The following FER variants were observed in gnomAD, a reference collection of about 807,000 sequenced individuals.
FER encodes FER tyrosine kinase.
A neutral mutation model predicts 111.0 loss-of-function variants in FER; 63 were observed. That is an observed-to-expected ratio of 0.57 (90% CI 0.46 to 0.70). The LOEUF (loss-of-function observed/expected upper bound fraction) is 0.70. Among genes scored for constraint, FER ranks in the 30% least tolerant of loss-of-function variants. FER has a pLI of 0.00. For missense variants in FER, 914 were observed against 954.0 expected (o/e 0.96, Z 0.55); for synonymous variants, 327 against 313.9 (o/e 1.04, Z -0.44).
Position 109,180,744 on chromosome 5 carries a change from T to C in FER, c.2049-3T>C. Reference sequence around the variant, plus strand: ...GCGTTTTCTGTGTCTTACTGTAACCTAGGGACCTTGCTGCAAGAAACTGCC... The same window carrying C: ...GCGTTTTCTGTGTCTTACTGTAACCCAGGGACCTTGCTGCAAGAAACTGCC... On this transcript the variant is annotated splice_polypyrimidine_tract_variant and splice_region_variant and intron_variant, in intron 17 of 19. Transcript: ENST00000281092. The C allele has an allele frequency of 6.2e-7, 1 of 1,610,408 alleles. No individual in the cohort carries two copies. Among genetic ancestry groups the C allele is most frequent in the Non-Finnish European group, 8.5e-7 (1 of 1,178,586 alleles).
chr5:108,879,659 G>C (rs1327897995), intron 8 of FER, among the ~76,000 whole-genome samples: 2 of 133,448 alleles, frequency 1.5e-5, no homozygotes, highest in African/African-American at 5.8e-5. Flanking sequence ...GTAAGAAAGA[G>C]TAAATACTTT....
rs922790245 is a variant in FER, at chr5:109,192,789, A to ATG, written c.*5215_*5216dup. On this transcript the variant is annotated 3_prime_UTR_variant, in exon 20 of 20. Transcript: ENST00000281092. ...TTACCCACAGAGGGAGCTTACTATGATGAGAGCTACTGTGGGGAAACATAG... is the reference window on the plus strand; with the variant it reads ...TTACCCACAGAGGGAGCTTACTATGATGTGAGAGCTACTGTGGGGAAACATAG... The ATG allele has an allele frequency of 3.3e-5, 5 of 152,150 alleles. No homozygotes were observed. Among genetic ancestry groups the ATG allele is most frequent in the Non-Finnish European group, 4.4e-5 (3 of 68,026 alleles). 9.4% of individuals were successfully genotyped at this position (152,150 alleles called of 1,614,324 possible).
chr5:108,794,527 C>CG (rs1491203570), intron 2 of FER, among the ~76,000 whole-genome samples: 2 of 3,604 alleles, frequency 5.5e-4, no homozygotes, highest in South Asian at 5.6e-3. Flanking sequence ...CCCCTCCGCA[C>CG]CCCCCCCCCT....
chr5:108,902,716 G>A (rs963682570), intron 10 of FER, among the ~76,000 whole-genome samples: 1 of 152,088 alleles, frequency 6.6e-6, no homozygotes, highest in African/African-American at 2.4e-5. Flanking sequence ...TAATTCTGAA[G>A]AATTTTGAAT....
intron 2 of FER, among the ~76,000 whole-genome samples, chr5:108,788,606 T>C (rs1440437359): frequency 1.3e-5 from 2 of 152,118 alleles, no homozygotes; most frequent in Admixed American, 1.3e-4. Flanking sequence ...ACTTAATTTC[T>C]ATCCTTTGGT....
intron 16 of FER, among the ~76,000 whole-genome samples, chr5:109,048,260 T>C (rs1772280843): frequency 1.3e-5 from 2 of 152,212 alleles, no homozygotes; most frequent in Admixed American, 6.5e-5. Flanking sequence ...TTCTCAATAT[T>C]ACCATGTAAC....
At chr5:109,162,886 G>C (rs1231208644) in intron 17 of FER, among the ~76,000 whole-genome samples, 5 of 151,638 alleles carry the variant, frequency 3.3e-5, no homozygotes, top group Non-Finnish European at 7.4e-5. Flanking sequence ...ACAATAAAAT[G>C]CACCAATTTT....
In FER at chr5:109,068,902, A is replaced by G. The variant is rs1052816946; in HGVS notation, c.1924+21704A>G. 3.3e-5 allele frequency among the ~76,000 whole-genome samples: 5 copies of G among 152,222 alleles called. No homozygotes were observed. The East Asian group carries it at 7.7e-4, about 23-fold the overall frequency. ...GCTATCATATTCTTGTAATGCCTAA[A>G]TATTTCAGAATAAATGATATCCAAC... On this transcript the variant is annotated intron_variant, in intron 16 of 19. Coordinates refer to ENST00000281092, the MANE Select transcript of FER (RefSeq NM_005246.4).
chr5:109,155,915 T>A (rs1755327603), intron 17 of FER, among the ~76,000 whole-genome samples: 1 of 152,016 alleles, frequency 6.6e-6, no homozygotes, highest in African/African-American at 2.4e-5. Flanking sequence ...TGATATCTCT[T>A]GAGGACCAGA....
chr5:109,048,323 T>C (rs1772288478), intron 16 of FER, among the ~76,000 whole-genome samples: 2 of 152,198 alleles, frequency 1.3e-5, no homozygotes, highest in African/African-American at 2.4e-5. Context: ...TGGCATTGTC[T>C]GTGTTAAGTA....
At chr5:108,778,592 C>T (rs1325106765) in intron 2 of FER, among the ~76,000 whole-genome samples, 2 of 152,138 alleles carry the variant, frequency 1.3e-5, no homozygotes, top group South Asian at 4.1e-4. Context: ...TGATGTGGAG[C>T]ATCTTTTCAT....
At chr5:109,111,848 G>A (rs1222113653) in intron 17 of FER, among the ~76,000 whole-genome samples, 1 of 152,056 alleles carries the variant, frequency 6.6e-6, no homozygotes, top group Admixed American at 6.6e-5. Flanking sequence ...CCAACATTGG[G>A]AATTATGTAA....
In FER at chr5:108,756,266, G is replaced by A. The variant is rs752294111; in HGVS notation, c.-206+8266G>A. On this transcript the variant is annotated intron_variant, in intron 1 of 19. Coordinates refer to ENST00000281092, the MANE Select transcript of FER (RefSeq NM_005246.4). The stretch of plus-strand genomic sequence containing the variant: ...TTAGAATTACATGCTTTCTATGTAC[G>A]TTCTTATATAGGTTAACCATTACTT... 8.6e-5 allele frequency among the ~76,000 whole-genome samples: 13 copies of A among 151,492 alleles called. No homozygotes were observed. The South Asian group carries it at 1.0e-3, about 12-fold the overall frequency.
chr5:108,873,457 C>T (rs919705148), intron 8 of FER, among the ~76,000 whole-genome samples: 5 of 152,138 alleles, frequency 3.3e-5, no homozygotes, highest in Non-Finnish European at 5.9e-5. Context: ...GTTTTGGAAT[C>T]TTTAAAGCTG....
intron 13 of FER, among the ~76,000 whole-genome samples, chr5:108,970,500 G>A (rs146493080): frequency 0.01 from 1,540 of 152,210 alleles, 22 homozygotes; most frequent in African/African-American, 0.035. Flanking sequence ...GATTACAGGC[G>A]TGAGCCACTG....
At chr5:108,817,282 T>G in intron 3 of FER, among the ~76,000 whole-genome samples, 1 of 152,040 alleles carries the variant, frequency 6.6e-6, no homozygotes, top group East Asian at 1.9e-4. Context: ...CTTTGAAAAC[T>G]TCAGCTTTAG....
intron 9 of FER, among the ~76,000 whole-genome samples, chr5:108,894,973 C>T (rs925031078): frequency 1.6e-4 from 24 of 152,204 alleles, no homozygotes; most frequent in African/African-American, 4.8e-4. Flanking sequence ...CAAATCATAT[C>T]GGGCTATTCA....
At chr5:108,930,618 C>A (rs1754527391) in intron 10 of FER, among the ~76,000 whole-genome samples, 1 of 78,116 alleles carries the variant, frequency 1.3e-5, no homozygotes, top group Non-Finnish European at 2.4e-5. Flanking sequence ...CTCCTTTTTT[C>A]CTTCCCTCTC....
intron 10 of FER, among the ~76,000 whole-genome samples, chr5:108,911,010 A>G (rs1426929144): frequency 1.3e-5 from 2 of 152,078 alleles, no homozygotes; most frequent in Non-Finnish European, 2.9e-5. Context: ...GTCAAATAGT[A>G]GTAGTTCTAT....
Sources: gnomAD v4.1 joint callset for allele counts (sites outside exome capture counted in the v4.1 genomes callset) on GRCh38, gnomAD v4.1.1 for gene constraint, MANE v1.5 for transcripts, NCBI Gene and HGNC (gene_info 2026-07-23, HGNC 2026-07-21) for gene names.